The following ADGB variants were observed in gnomAD, a reference collection of about 807,000 sequenced individuals.
The protein encoded by ADGB is androglobin.
In ADGB, 172 loss-of-function variants were observed where a neutral mutation model predicts 210.5. The observed-to-expected ratio is 0.82, with a 90% CI of 0.72 to 0.93. The LOEUF (loss-of-function observed/expected upper bound fraction) is 0.93. Among genes scored for constraint, ADGB ranks in the 40% least tolerant of loss-of-function variants. The probability of loss-of-function intolerance (pLI) is 0.00; values close to 1 mark genes in which losing one functional copy is unlikely to be tolerated. For missense variants in ADGB, 2,025 were observed against 1,964.8 expected, an observed-to-expected ratio of 1.03 and a Z score of -0.58; for synonymous variants, 658 against 662.7, an observed-to-expected ratio of 0.99 and a Z score of 0.11.
intron 5 of ADGB, among the ~76,000 whole-genome samples, chr6:146,660,925 AT>A (rs1311832381): frequency 6.6e-6 from 1 of 151,876 alleles, no homozygotes; most frequent in Non-Finnish European, 1.5e-5. Flanking sequence ...TACCTTTCTT[AT>A]TTTGTGTGTG....
intron 33 of ADGB, among the ~76,000 whole-genome samples, chr6:146,792,389 T>C (rs1777966692): frequency 6.6e-6 from 1 of 152,206 alleles, no homozygotes; most frequent in African/African-American, 2.4e-5. Context: ...TCACCTTCAA[T>C]TTCTTTCATC....
At chr6:146,715,630 C>A (rs994797714) in intron 14 of ADGB, among the ~76,000 whole-genome samples, 6 of 152,024 alleles carry the variant, frequency 3.9e-5, no homozygotes, top group Admixed American at 2.0e-4. Flanking sequence ...ATCTGATTAC[C>A]CACAAATAAA....
chr6:146,659,059 C>A (rs951248547), intron 5 of ADGB, among the ~76,000 whole-genome samples: 2 of 152,164 alleles, frequency 1.3e-5, no homozygotes, highest in African/African-American at 4.8e-5. Context: ...AGGGCTGAGT[C>A]AATATCTGTG....
chr6:146,716,316 G>A (rs1315005847), intron 14 of ADGB, among the ~76,000 whole-genome samples: 1 of 128,616 alleles, frequency 7.8e-6, no homozygotes, highest in Non-Finnish European at 1.5e-5. Context: ...TGAGGGCCGG[G>A]CGCGGTGGCT....
chr6:146,692,985 A>T (rs1776352935), intron 12 of ADGB, 70 bp downstream of exon 12: 1 of 819,830 alleles, frequency 1.2e-6, no homozygotes, highest in African/African-American at 1.7e-5. Flanking sequence ...CTGGCTAAAG[A>T]TAACACCAAA....
At chr6:146,601,824 A>ATTT (rs1209235595) in intron 1 of ADGB, among the ~76,000 whole-genome samples, 1 of 152,200 alleles carries the variant, frequency 6.6e-6, no homozygotes, top group African/African-American at 2.4e-5. Flanking sequence ...CTTTTGCCTC[A>ATTT]TATGTCAACT....
intron 2 of ADGB, among the ~76,000 whole-genome samples, chr6:146,644,532 C>A (rs1398365899): frequency 6.6e-6 from 1 of 151,740 alleles, no homozygotes; most frequent in Non-Finnish European, 1.5e-5. Context: ...AATCAAAATG[C>A]TACTCAACAA....
chr6:146,626,929 G>A (rs1035125591), intron 1 of ADGB, among the ~76,000 whole-genome samples: 6 of 151,496 alleles, frequency 4.0e-5, no homozygotes, highest in African/African-American at 1.5e-4. Flanking sequence ...ATGTACTGAT[G>A]CTCTGCTTAT....
intron 27 of ADGB, among the ~76,000 whole-genome samples, chr6:146,753,333 C>T (rs556152178): frequency 1.3e-5 from 2 of 152,092 alleles, no homozygotes; most frequent in East Asian, 3.9e-4. Flanking sequence ...AATATTTTGG[C>T]TTTTATGCCT....
intron 1 of ADGB, among the ~76,000 whole-genome samples, chr6:146,608,460 A>G (rs1575376): frequency 0.39 from 59,555 of 151,762 alleles, 13,782 homozygotes; most frequent in Admixed American, 0.52. Context: ...TCTTGTTGTG[A>G]TGTTAGATTG....
chr6:146,706,845 G>GTTTTTTTTTTTTTTTT (rs34520729), intron 13 of ADGB, among the ~76,000 whole-genome samples: 8 of 100,730 alleles, frequency 7.9e-5, no homozygotes, highest in South Asian at 3.6e-4. Flanking sequence ...TCAGCTTAGT[G>GTTTTTTTTTTTTTTTT]TTTTTTTTTT....
chr6:146,802,180 A>G (rs1778145674), intron 35 of ADGB, among the ~76,000 whole-genome samples, 169 bp downstream of exon 35: 1 of 152,162 alleles, frequency 6.6e-6, no homozygotes, highest in Non-Finnish European at 1.5e-5. Flanking sequence ...TACACATCTC[A>G]TCTCACTCCC....
chr6:146,607,629 G>A (rs1036983134), intron 1 of ADGB, among the ~76,000 whole-genome samples: 2 of 152,032 alleles, frequency 1.3e-5, no homozygotes, highest in Non-Finnish European at 2.9e-5. Flanking sequence ...AAAAGCCTTT[G>A]TTTAGTATAT....
intron 8 of ADGB, 72 bp from the exon 9 acceptor site, chr6:146,676,241 C>G: frequency 7.5e-7 from 1 of 1,339,168 alleles, no homozygotes; most frequent in Non-Finnish European, 9.8e-7. Flanking sequence ...TTCTTTAAGA[C>G]AATGACTGAA....
intron 33 of ADGB, among the ~76,000 whole-genome samples, chr6:146,800,541 A>T (rs200852426): frequency 0.014 from 187 of 13,788 alleles, no homozygotes; most frequent in African/African-American, 0.08. Context: ...GCTTTTTTTT[A>T]AAAAAAAAGC....
chr6:146,782,131 A>T lies in ADGB; in HGVS notation c.3974A>T (p.Glu1325Val). 1 of 1,548,386 alleles carries T rather than the reference A, an allele frequency of 6.5e-7. No individual in the cohort carries two copies. The highest frequency in any genetic ancestry group is 8.7e-7 in the Non-Finnish European group (1 of 1,145,694). ...VTSKTTRKGKEKSSEKEKTAK... is the reference protein window; with the variant it reads ...VTSKTTRKGKVKSSEKEKTAK... Reference sequence around the variant, plus strand: ...TCCAAAACAACAAGGAAAGGCAAAGAAAAGTCTTCTGAGAAAGAAAAGACA... The same window carrying T: ...TCCAAAACAACAAGGAAAGGCAAAGTAAAGTCTTCTGAGAAAGAAAAGACA... The change falls in exon 30 of 36, where the codon GAA becomes GTA. Residue 1325 changes from glutamate (E) to valine (V), a missense_variant. Physicochemically the swap from Glu to Val is moderately radical, Grantham distance 121. Coordinates refer to ENST00000397944, the MANE Select transcript of ADGB (RefSeq NM_024694.4).
intron 16 of ADGB, among the ~76,000 whole-genome samples, chr6:146,719,608 A>G (rs1776786928): frequency 1.3e-5 from 2 of 152,210 alleles, no homozygotes; most frequent in African/African-American, 2.4e-5. Context: ...GCCTGTCCTC[A>G]GCACAATCCA....
At chr6:146,681,920 C>T (rs1462781835) in intron 9 of ADGB, among the ~76,000 whole-genome samples, 1 of 152,030 alleles carries the variant, frequency 6.6e-6, no homozygotes, top group African/African-American at 2.4e-5. Context: ...GTGTAGTGGA[C>T]ATGTTACTTA....
chr6:146,810,424 C>G (rs1778287269), intron 35 of ADGB, among the ~76,000 whole-genome samples: 1 of 152,122 alleles, frequency 6.6e-6, no homozygotes, highest in Non-Finnish European at 1.5e-5. Context: ...CTAGAGCTAC[C>G]ATATGATCCA....
Sources: gnomAD v4.1 joint callset for allele counts (sites outside exome capture counted in the v4.1 genomes callset) on GRCh38, gnomAD v4.1.1 for gene constraint, MANE v1.5 for transcripts, NCBI Gene and HGNC (gene_info 2026-07-23, HGNC 2026-07-21) for gene names.